Variants in LIPC observed in about 807,000 individuals in gnomAD.
LIPC encodes lipase C, hepatic type, also known as hepatic triacylglycerol lipase.
In LIPC, 44 loss-of-function variants were observed where a neutral mutation model predicts 50.7. The observed-to-expected ratio is 0.87, with a 90% CI of 0.68 to 1.11. The LOEUF (loss-of-function observed/expected upper bound fraction) is 1.11. Ranked by LOEUF, LIPC falls within the 50% of genes most tolerant of loss-of-function variation. The probability of loss-of-function intolerance (pLI) is 0.00; values close to 1 mark genes in which losing one functional copy is unlikely to be tolerated. For missense variants in LIPC, 697 were observed against 648.2 expected (o/e 1.08, Z -0.82); for synonymous variants, 271 against 256.4 (o/e 1.06, Z -0.54).
chr15:58,507,228 C>T (rs1302324541), intron 1 of LIPC, among the ~76,000 whole-genome samples: 7 of 152,108 alleles, frequency 4.6e-5, no homozygotes, highest in African/African-American at 1.7e-4. Flanking sequence ...TAAACTTTCC[C>T]TATCCTCTTG....
intron 1 of LIPC, among the ~76,000 whole-genome samples, chr15:58,451,601 T>C (rs907587523): frequency 2.0e-5 from 3 of 152,260 alleles, no homozygotes; most frequent in South Asian, 2.1e-4. Flanking sequence ...GAGAATGGGA[T>C]GTCTGATTGG....
chr15:58,563,540 T>C lies in LIPC; in HGVS notation c.1205T>C (p.Phe402Ser), dbSNP rs1454751809. The change falls in exon 8 of 9, where the codon TTT becomes TCT. Residue 402 changes from phenylalanine (F) to serine (S), a missense_variant. Coordinates refer to ENST00000299022, the MANE Select transcript of LIPC (RefSeq NM_000236.3). ...ATTGCTAGTAATAAAACGTATTCCT[T>C]TCTTATCACGCTGGATGTGGATATC... ...KGIASNKTYS[F>S]LITLDVDIGE... is the part of the protein sequence containing the mutation. 1 of 1,614,226 alleles carries C rather than the reference T, an allele frequency of 6.2e-7. No homozygotes were observed. Among genetic ancestry groups the C allele is most frequent in the Non-Finnish European group, 8.5e-7 (1 of 1,180,042 alleles).
chr15:58,490,993 G>C lies in LIPC; in HGVS notation c.89-47340G>C, dbSNP rs1280513259. Reference sequence around the variant, plus strand: ...TAGCCAGGAAGGAATGGAGTTCACAGGGGATTAGATTTCTAGATTATAGCC... The same window carrying C: ...TAGCCAGGAAGGAATGGAGTTCACACGGGATTAGATTTCTAGATTATAGCC... On this transcript the variant is annotated intron_variant, in intron 1 of 8. Transcript: ENST00000299022. Among the ~76,000 whole-genome samples the C allele has an allele frequency of 2.6e-5, 4 of 152,180 alleles. No homozygotes were observed. The East Asian group carries it at 7.7e-4, about 29-fold the overall frequency.
intron 1 of LIPC, among the ~76,000 whole-genome samples, chr15:58,452,599 A>G (rs1893943342): frequency 6.6e-6 from 1 of 152,214 alleles, no homozygotes; most frequent in Admixed American, 6.5e-5. Flanking sequence ...TCAATCTCAC[A>G]TCTGATTTGA....
intron 6 of LIPC, among the ~76,000 whole-genome samples, chr15:58,552,187 G>A (rs868123620): frequency 5.3e-5 from 8 of 152,156 alleles, no homozygotes; most frequent in African/African-American, 1.7e-4. Context: ...AGGGGCCCTC[G>A]GGGGGCACTC....
Position 58,474,514 on chromosome 15 carries a change from A to G in LIPC, c.88+42394A>G, listed in dbSNP as rs1268365335. On this transcript the variant is annotated intron_variant, in intron 1 of 8. Coordinates refer to ENST00000299022, the MANE Select transcript of LIPC (RefSeq NM_000236.3). ...CAACAGAGCTAGACCCTGTCTCAGG[A>G]AAAAAAAAAAAAAAAAAAGAGGCTT... Among the ~76,000 whole-genome samples, 4 of 1,062 alleles carry G rather than the reference A, an allele frequency of 3.8e-3. No homozygotes were observed. In the East Asian group the frequency reaches 0.25, roughly 66 times the overall value. 0.7% of individuals were successfully genotyped at this position (1,062 alleles called of 152,430 possible).
At chr15:58,491,957 A>G (rs757738062) in intron 1 of LIPC, among the ~76,000 whole-genome samples, 1 of 152,314 alleles carries the variant, frequency 6.6e-6, no homozygotes, top group South Asian at 2.1e-4. Context: ...GACCTGGAGC[A>G]GGGGGTCCCA....
chr15:58,562,342 G>A lies in LIPC; in HGVS notation c.1170-1163G>A, dbSNP rs564447846. Among the ~76,000 whole-genome samples the A allele has an allele frequency of 3.2e-4, 48 of 152,338 alleles. No homozygotes were observed. The South Asian group carries it at 5.8e-3, about 18-fold the overall frequency. ...AGTGCAGAGGCAGGTGGTGAGGGGCGGAGCAGGTGTTCCCAAGAGGTCCCA... is the reference window on the plus strand; with the variant it reads ...AGTGCAGAGGCAGGTGGTGAGGGGCAGAGCAGGTGTTCCCAAGAGGTCCCA... On this transcript the variant is annotated intron_variant, in intron 7 of 8. Coordinates refer to ENST00000299022, the MANE Select transcript of LIPC (RefSeq NM_000236.3).
chr15:58,438,993 A>C (rs146130792), intron 1 of LIPC, among the ~76,000 whole-genome samples: 1 of 152,348 alleles, frequency 6.6e-6, no homozygotes, highest in East Asian at 1.9e-4. Flanking sequence ...CTTTGTCTAC[A>C]GCGTTTTCAC....
Position 58,569,079 on chromosome 15 carries a change from G to A in LIPC, c.*252G>A. 1 of 305,978 alleles carries A rather than the reference G, an allele frequency of 3.3e-6. No homozygotes were observed. The highest frequency in any genetic ancestry group is 5.9e-5 in the East Asian group (1 of 16,986). 19.0% of individuals were successfully genotyped at this position (305,978 alleles called of 1,614,324 possible). A position where few individuals can be genotyped will look rare whatever the true frequency, so the allele number is the denominator to read the frequency against. The stretch of plus-strand genomic sequence containing the variant: ...GTTAAATGTTAATATATGCAAATAA[G>A]TACAAATGCAAGAGCCATTTTAGAT... On this transcript the variant is annotated 3_prime_UTR_variant, in exon 9 of 9. Coordinates refer to ENST00000299022, the MANE Select transcript of LIPC (RefSeq NM_000236.3).
intron 1 of LIPC, among the ~76,000 whole-genome samples, chr15:58,528,826 C>G (rs1892866122): frequency 6.6e-6 from 1 of 152,238 alleles, no homozygotes; most frequent in African/African-American, 2.4e-5. Context: ...AATTCATCTT[C>G]TGGCAGCTGA....
At position 58,563,537 on chromosome 15, in the gene LIPC, C is replaced by T. The variant is rs1427136045; in HGVS notation, c.1202C>T (p.Ser401Phe). 1.9e-6 allele frequency: 3 copies of T among 1,614,022 alleles called. No homozygotes were observed. Among genetic ancestry groups the T allele is most frequent in the East Asian group, 2.2e-5 (1 of 44,896 alleles). ...GKGIASNKTY[S>F]FLITLDVDIG... Reference sequence around the variant, plus strand: ...GGAATTGCTAGTAATAAAACGTATTCCTTTCTTATCACGCTGGATGTGGAT... The same window carrying T: ...GGAATTGCTAGTAATAAAACGTATTTCTTTCTTATCACGCTGGATGTGGAT... Residue 401 changes from serine to phenylalanine, a missense_variant, in exon 8 of 9, where the codon TCC becomes TTC. Coordinates refer to ENST00000299022, the MANE Select transcript of LIPC (RefSeq NM_000236.3).
chr15:58,519,781 G>A (rs376797322), intron 1 of LIPC, among the ~76,000 whole-genome samples: 4 of 152,198 alleles, frequency 2.6e-5, no homozygotes, highest in Non-Finnish European at 5.9e-5. Flanking sequence ...AGCAGCCCTT[G>A]CTCTTAGCAT....
At chr15:58,505,631 T>G (rs1281146723) in intron 1 of LIPC, among the ~76,000 whole-genome samples, 1 of 152,192 alleles carries the variant, frequency 6.6e-6, no homozygotes, top group Non-Finnish European at 1.5e-5. Context: ...TCCTTCACGT[T>G]TCACCCAACG....
chr15:58,472,252 C>T (rs1342743801), intron 1 of LIPC, among the ~76,000 whole-genome samples: 1 of 111,988 alleles, frequency 8.9e-6, no homozygotes, highest in African/African-American at 3.6e-5. Context: ...CCCTGGGCAA[C>T]AGAGTGACAT....
chr15:58,445,162 T>C (rs920058612), intron 1 of LIPC, among the ~76,000 whole-genome samples: 2 of 152,204 alleles, frequency 1.3e-5, no homozygotes, highest in South Asian at 4.1e-4. Context: ...ACAGAATGAT[T>C]GGGACTTTCT....
chr15:58,529,702 C>T (rs542818879), intron 1 of LIPC, among the ~76,000 whole-genome samples: 27 of 152,190 alleles, frequency 1.8e-4, no homozygotes, highest in Non-Finnish European at 3.5e-4. Context: ...GGAAGAGGGT[C>T]GGAACCTCTG....
chr15:58,488,121 A>G (rs1312307513), intron 1 of LIPC, among the ~76,000 whole-genome samples: 5 of 152,210 alleles, frequency 3.3e-5, no homozygotes, highest in Non-Finnish European at 7.4e-5. Context: ...AACTACAAAA[A>G]TTAGCCGGGC....
At chr15:58,458,183 A>T (rs1894205573) in intron 1 of LIPC, among the ~76,000 whole-genome samples, 1 of 152,126 alleles carries the variant, frequency 6.6e-6, no homozygotes, top group South Asian at 2.1e-4. Flanking sequence ...AAAAAAAAAA[A>T]ATGTAAGTCC....
Sources: gnomAD v4.1 joint callset for allele counts (sites outside exome capture counted in the v4.1 genomes callset) on GRCh38, gnomAD v4.1.1 for gene constraint, MANE v1.5 for transcripts, NCBI Gene and HGNC (gene_info 2026-07-23, HGNC 2026-07-21) for gene names.